PPP1R9A: variants seen among roughly 807,000 people sequenced by gnomAD.
PPP1R9A encodes the protein neurabin-1.
PPP1R9A carries 59 observed loss-of-function variants against 141.9 expected under a neutral mutation model. That is an observed-to-expected ratio of 0.42 (90% CI 0.34 to 0.52). PPP1R9A has a LOEUF of 0.52. PPP1R9A is among the 20% of genes least tolerant of loss of function. PPP1R9A has a pLI of 0.10. For synonymous variants in PPP1R9A, 500 were observed against 569.7 expected (o/e 0.88, Z 1.74); for missense variants, 1,444 against 1,611.9 (o/e 0.90, Z 1.78).
intron 2 of PPP1R9A, among the ~76,000 whole-genome samples, chr7:94,973,915 T>C (rs2151256253): frequency 6.6e-6 from 1 of 152,082 alleles, no homozygotes; most frequent in South Asian, 2.1e-4. Flanking sequence ...CAGGGTCTCA[T>C]TATGTTGCCT....
At chr7:94,916,952 C>T (rs1035500847) in intron 2 of PPP1R9A, among the ~76,000 whole-genome samples, 5 of 152,006 alleles carry the variant, frequency 3.3e-5, no homozygotes, top group Non-Finnish European at 7.4e-5. Context: ...GTAGCTGGGA[C>T]AACAGGCATG....
intron 2 of PPP1R9A, among the ~76,000 whole-genome samples, chr7:94,936,624 T>A (rs1366218494): frequency 6.6e-6 from 1 of 151,234 alleles, no homozygotes; most frequent in African/African-American, 2.4e-5. Flanking sequence ...ATAAAACCTT[T>A]CACTAAGTAT....
chr7:95,066,931 G>A (rs1813029581), intron 2 of PPP1R9A, among the ~76,000 whole-genome samples: 1 of 152,202 alleles, frequency 6.6e-6, no homozygotes. Flanking sequence ...GAGATAAGGA[G>A]AACTTGAAAA....
chr7:95,242,486 A>G (rs916310605), intron 8 of PPP1R9A, among the ~76,000 whole-genome samples: 1 of 152,148 alleles, frequency 6.6e-6, no homozygotes, highest in Non-Finnish European at 1.5e-5. Context: ...GCAAAAGTTC[A>G]GTCTCACTAT....
At chr7:95,001,181 G>A (rs532429665) in intron 2 of PPP1R9A, among the ~76,000 whole-genome samples, 2 of 152,198 alleles carry the variant, frequency 1.3e-5, no homozygotes, top group South Asian at 4.1e-4. Context: ...GGATTTGGAG[G>A]TATACTTGTA....
intron 2 of PPP1R9A, among the ~76,000 whole-genome samples, chr7:94,962,397 G>T (rs955036565): frequency 2.6e-5 from 4 of 151,618 alleles, no homozygotes; most frequent in South Asian, 2.1e-4. Context: ...GAAATTAGTG[G>T]TTTTTTTAAT....
At chr7:95,167,003 G>A (rs967349218) in intron 5 of PPP1R9A, among the ~76,000 whole-genome samples, 12 of 152,030 alleles carry the variant, frequency 7.9e-5, no homozygotes, top group Non-Finnish European at 1.8e-4. Context: ...ACGCATAGAA[G>A]GAAAAAACCT....
intron 2 of PPP1R9A, among the ~76,000 whole-genome samples, chr7:95,102,119 A>G (rs1818871777): frequency 6.6e-6 from 1 of 152,218 alleles, no homozygotes; most frequent in Non-Finnish European, 1.5e-5. Flanking sequence ...TATAATGCCT[A>G]TTAGATGATT....
intron 4 of PPP1R9A, among the ~76,000 whole-genome samples, chr7:95,133,298 T>C (rs1286399676): frequency 1.3e-5 from 2 of 151,970 alleles, no homozygotes; most frequent in African/African-American, 4.8e-5. Flanking sequence ...CTTTAAACTG[T>C]CTTTGGCTTG....
At chr7:95,055,523 G>A (rs1811389061) in intron 2 of PPP1R9A, among the ~76,000 whole-genome samples, 1 of 152,058 alleles carries the variant, frequency 6.6e-6, no homozygotes, top group Non-Finnish European at 1.5e-5. Context: ...CATTTAACAT[G>A]TTTGTTTTCT....
intron 5 of PPP1R9A, among the ~76,000 whole-genome samples, chr7:95,171,815 T>A (rs541417908): frequency 2.6e-5 from 4 of 151,802 alleles, no homozygotes; most frequent in Admixed American, 2.0e-4. Flanking sequence ...ACTACTTTTA[T>A]GAAGCCAATG....
intron 16 of PPP1R9A, among the ~76,000 whole-genome samples, chr7:95,279,249 A>G (rs1247422715): frequency 6.6e-6 from 1 of 152,182 alleles, no homozygotes; most frequent in Non-Finnish European, 1.5e-5. Context: ...ATATCCTATG[A>G]CAAGTACCTG....
intron 5 of PPP1R9A, among the ~76,000 whole-genome samples, chr7:95,176,698 T>A (rs1832957826): frequency 1.3e-5 from 2 of 151,602 alleles, no homozygotes; most frequent in Non-Finnish European, 2.9e-5. Flanking sequence ...CACAAAACAC[T>A]GGACACACTT....
At chr7:95,080,728 T>C (rs977957935) in intron 2 of PPP1R9A, among the ~76,000 whole-genome samples, 5 of 152,168 alleles carry the variant, frequency 3.3e-5, no homozygotes, top group Admixed American at 6.5e-5. Flanking sequence ...ATGTGTCCGC[T>C]GTTTCTCAAA....
intron 12 of PPP1R9A, among the ~76,000 whole-genome samples, chr7:95,266,735 G>T (rs1025996526): frequency 2.0e-5 from 3 of 152,048 alleles, no homozygotes; most frequent in Non-Finnish European, 2.9e-5. Context: ...GCTAGATAAG[G>T]CATAAAACGT....
intron 4 of PPP1R9A, among the ~76,000 whole-genome samples, chr7:95,133,970 A>G (rs1825157523): frequency 6.6e-6 from 1 of 152,166 alleles, no homozygotes; most frequent in South Asian, 2.1e-4. Flanking sequence ...GGCATGAGCC[A>G]CAACACTCGG....
intron 14 of PPP1R9A, among the ~76,000 whole-genome samples, chr7:95,272,679 A>G (rs942612181): frequency 2.0e-5 from 3 of 152,320 alleles, no homozygotes; most frequent in Admixed American, 2.0e-4. Flanking sequence ...ACTGCTATCC[A>G]TGAACTGTGT....
chr7:95,270,391 A>G (rs1801984547), intron 14 of PPP1R9A, among the ~76,000 whole-genome samples: 1 of 152,154 alleles, frequency 6.6e-6, no homozygotes, highest in African/African-American at 2.4e-5. Context: ...GCTTGAGGAT[A>G]AGGCTCTGGT....
chr7:95,123,099 T>C (rs1304671070), intron 4 of PPP1R9A, among the ~76,000 whole-genome samples: 1 of 152,140 alleles, frequency 6.6e-6, no homozygotes, highest in Non-Finnish European at 1.5e-5. Context: ...AGTTAACCAG[T>C]TCCTGTTGTT....
Sources: allele counts gnomAD v4.1 joint callset (sites outside exome capture counted in the v4.1 genomes callset), GRCh38; gene constraint gnomAD v4.1.1; transcripts MANE v1.5; gene names NCBI Gene and HGNC (gene_info 2026-07-23, HGNC 2026-07-21).